Variants in JAKMIP1 observed in about 807,000 individuals in gnomAD.
JAKMIP1 encodes janus kinase and microtubule-interacting protein 1.
Under a neutral mutation model 113.0 loss-of-function variants are expected in JAKMIP1, and 33 were observed. That is an observed-to-expected ratio of 0.29 (90% CI 0.22 to 0.39). The LOEUF is 0.39. Among genes scored for constraint, JAKMIP1 ranks in the 10% least tolerant of loss-of-function variants. JAKMIP1 has a pLI of 1.00. For missense variants in JAKMIP1, 813 were observed against 1,080.5 expected (o/e 0.75, Z 3.47); for synonymous variants, 480 against 459.9 (o/e 1.04, Z -0.56).
In JAKMIP1 at chr4:6,150,815, G is replaced by A. The variant is rs916324492; in HGVS notation, c.-147-37818C>T. ...ACAGGCAAGAAATTTCCGCATCCCAGCTTCAAGCTCCTCCACTTGAGCAAG... is the reference window on the plus strand; with the variant it reads ...ACAGGCAAGAAATTTCCGCATCCCAACTTCAAGCTCCTCCACTTGAGCAAG... On this transcript the variant is annotated intron_variant, in intron 1 of 20. Transcript: ENST00000409021. The surrounding 1 kb of genome is among the most constrained non-coding windows in gnomAD (Gnocchi z 4.8). 2.0e-5 allele frequency among the ~76,000 whole-genome samples: 3 copies of A among 152,130 alleles called. No homozygotes were observed. The highest frequency in any genetic ancestry group is 4.8e-5 in the African/African-American group (2 of 41,414).
At position 6,064,763 on chromosome 4, in the gene JAKMIP1, G is replaced by T. The variant is rs912762918; in HGVS notation, c.1431+117C>A. ...TTTGATAATGCACTGGTAGGAACTGGTCATCTGGGGTTCAGAACTATAGGC... is the reference window on the plus strand; with the variant it reads ...TTTGATAATGCACTGGTAGGAACTGTTCATCTGGGGTTCAGAACTATAGGC... On this transcript the variant is annotated intron_variant, in intron 9 of 20. Coordinates refer to ENST00000409021, the MANE Select transcript of JAKMIP1 (RefSeq NM_001099433.2). This position sits in a 1 kb window ranked among gnomAD's most constrained non-coding sequence, Gnocchi z 4.3. 27 of 1,329,238 alleles carry T rather than the reference G, an allele frequency of 2.0e-5. No homozygotes were observed. The highest frequency in any genetic ancestry group is 2.8e-5 in the Non-Finnish European group (27 of 953,710). The allele number at this position is 1,329,238 out of a possible 1,614,324, so 82.3% of individuals were successfully genotyped here.
At chr4:6,131,262 GAAGA>G (rs1381015446) in intron 1 of JAKMIP1, among the ~76,000 whole-genome samples, 1 of 146,392 alleles carries the variant, frequency 6.8e-6, no homozygotes, top group Non-Finnish European at 1.5e-5. Flanking sequence ...AGAAGAAATT[GAAGA>G]AATATTTGAA....
intron 1 of JAKMIP1, among the ~76,000 whole-genome samples, chr4:6,198,039 C>G (rs1728033933): frequency 6.6e-6 from 1 of 152,218 alleles, no homozygotes; most frequent in Admixed American, 6.5e-5. Context: ...GTGGTCACCT[C>G]CCCAGGAAAA....
chr4:6,119,027 AG>A (rs1201242365), intron 1 of JAKMIP1, among the ~76,000 whole-genome samples: 9 of 152,184 alleles, frequency 5.9e-5, no homozygotes, highest in African/African-American at 2.2e-4. Flanking sequence ...AAGAGACCGG[AG>A]CACTGCGGCC....
At chr4:6,175,950 G>A (rs1405490265) in intron 1 of JAKMIP1, among the ~76,000 whole-genome samples, 1 of 152,172 alleles carries the variant, frequency 6.6e-6, no homozygotes, top group Non-Finnish European at 1.5e-5. Flanking sequence ...TGTCCACAGG[G>A]CTGTAAATTG....
intron 1 of JAKMIP1, among the ~76,000 whole-genome samples, chr4:6,190,435 A>G (rs1475223652): frequency 2.0e-5 from 3 of 152,076 alleles, no homozygotes; most frequent in Non-Finnish European, 4.4e-5. Context: ...TGCTCATCCT[A>G]CACTCTTTCC....
intron 3 of JAKMIP1, among the ~76,000 whole-genome samples, chr4:6,095,658 C>T (rs977304718): frequency 5.3e-5 from 8 of 152,192 alleles, no homozygotes; most frequent in Admixed American, 2.0e-4. Flanking sequence ...AGAACACACA[C>T]GGTGCCATCT....
chr4:6,081,698 G>T lies in JAKMIP1; in HGVS notation c.1012C>A (p.Arg338=). Residue 338 remains arginine (R), a synonymous_variant, in exon 6 of 21, where the codon CGG becomes AGG. Coordinates refer to ENST00000409021, the MANE Select transcript of JAKMIP1 (RefSeq NM_001099433.2). The surrounding 1 kb of genome is among the most constrained non-coding windows in gnomAD (Gnocchi z 4.6). ...QLKPLVEKNK[R]MNKKNEDLLQ... The stretch of plus-strand genomic sequence containing the variant: ...AGATCCTCATTCTTCTTGTTCATCC[G>T]CTTGTTCTTCTCCACCAGGGGCTTC... 2 of 1,614,064 alleles carry T rather than the reference G, an allele frequency of 1.2e-6. No individual in the cohort carries two copies. The highest frequency in any genetic ancestry group is 1.7e-6 in the Non-Finnish European group (2 of 1,180,008).
In JAKMIP1 at chr4:6,040,937, C is replaced by T. The variant is rs1402076295; in HGVS notation, c.2098-221G>A. Among the ~76,000 whole-genome samples, 1 of 152,164 alleles carries T rather than the reference C, an allele frequency of 6.6e-6. No individual in the cohort carries two copies. On this transcript the variant is annotated intron_variant, in intron 17 of 20. Transcript: ENST00000409021. This position sits in a 1 kb window ranked among gnomAD's most constrained non-coding sequence, Gnocchi z 5.8. ...GCCACACCTGGATCCTTGGTGAAGA[C>T]TATCCCATTCCTCCTGCTTCCCTGC...
At chr4:6,062,486 A>G in intron 9 of JAKMIP1, 46 bp from the exon 10 acceptor site, 1 of 1,568,786 alleles carries the variant, frequency 6.4e-7, no homozygotes, top group Non-Finnish European at 8.7e-7. Context: ...GCAAAATTAC[A>G]ATAATAAATG....
In JAKMIP1 at chr4:6,086,207, T is replaced by G. The variant is rs1159363892; in HGVS notation, c.625-578A>C. Among the ~76,000 whole-genome samples, 1 of 152,192 alleles carries G rather than the reference T, an allele frequency of 6.6e-6. No homozygotes were observed. Among genetic ancestry groups the G allele is most frequent in the Non-Finnish European group, 1.5e-5 (1 of 68,030 alleles). ...TCTCCCCAAGGCCACTTCCCATGGTTTCTATCTTCTTTATAGACTGTCTTG... is the reference window on the plus strand; with the variant it reads ...TCTCCCCAAGGCCACTTCCCATGGTGTCTATCTTCTTTATAGACTGTCTTG... On this transcript the variant is annotated intron_variant, in intron 3 of 20. Coordinates refer to ENST00000409021, the MANE Select transcript of JAKMIP1 (RefSeq NM_001099433.2). The surrounding 1 kb of genome is among the most constrained non-coding windows in gnomAD (Gnocchi z 4.1).
rs1722294365 is a variant in JAKMIP1 at position 6,093,008 on chromosome 4, A to G, written c.625-7379T>C. Among the ~76,000 whole-genome samples the G allele has an allele frequency of 6.6e-6, 1 of 152,250 alleles. No homozygotes were observed. Among genetic ancestry groups the G allele is most frequent in the Non-Finnish European group, 1.5e-5 (1 of 68,052 alleles). Reference sequence around the variant, plus strand: ...TCATTTTGTATTTTACTGGGAATCCAAGTATCACATATCATCATGGCTATT... The same window carrying G: ...TCATTTTGTATTTTACTGGGAATCCGAGTATCACATATCATCATGGCTATT... On this transcript the variant is annotated intron_variant, in intron 3 of 20. Coordinates refer to ENST00000409021, the MANE Select transcript of JAKMIP1 (RefSeq NM_001099433.2). The surrounding 1 kb of genome is among the most constrained non-coding windows in gnomAD (Gnocchi z 4.6).
In JAKMIP1 at chr4:6,140,250, CTTTT is replaced by C. The variant is rs35255967; in HGVS notation, c.-147-27257_-147-27254del. Among the ~76,000 whole-genome samples the C allele has an allele frequency of 5.7e-5, 8 of 140,194 alleles. No homozygotes were observed. Among genetic ancestry groups the C allele is most frequent in the South Asian group, 2.3e-4 (1 of 4,392 alleles). 92.0% of individuals were successfully genotyped at this position (140,194 alleles called of 152,430 possible). On this transcript the variant is annotated intron_variant, in intron 1 of 20. Transcript: ENST00000409021. The surrounding 1 kb of genome is among the most constrained non-coding windows in gnomAD (Gnocchi z 9.4). ...CTGCTCCCTATTTTTCTTTTTTCCT[CTTTT>C]TTTTTTTTTTTTCTGTGGGGAGGGA... is the stretch of plus-strand genomic sequence containing the variant.
intron 1 of JAKMIP1, among the ~76,000 whole-genome samples, chr4:6,169,603 TTG>T (rs71173413): frequency 0.32 from 43,657 of 136,848 alleles, 7,927 homozygotes; most frequent in East Asian, 0.63. Flanking sequence ...CCCTAGGAAA[TTG>T]TGTGTGTGTG....
In JAKMIP1 at chr4:6,154,578, A is replaced by G. The variant is rs1436540254; in HGVS notation, c.-147-41581T>C. ...TTGAAAAAGGCAATACCGAAAAGGCAGACACCAAGAAACTTAGCAAGGCTT... is the reference window on the plus strand; with the variant it reads ...TTGAAAAAGGCAATACCGAAAAGGCGGACACCAAGAAACTTAGCAAGGCTT... On this transcript the variant is annotated intron_variant, in intron 1 of 20. Coordinates refer to ENST00000409021, the MANE Select transcript of JAKMIP1 (RefSeq NM_001099433.2). This position sits in a 1 kb window ranked among gnomAD's most constrained non-coding sequence, Gnocchi z 4.2. Among the ~76,000 whole-genome samples, 1 of 151,958 alleles carries G rather than the reference A, an allele frequency of 6.6e-6. No homozygotes were observed. The highest frequency in any genetic ancestry group is 1.5e-5 in the Non-Finnish European group (1 of 68,004).
chr4:6,177,060 A>G (rs6827188), intron 1 of JAKMIP1, among the ~76,000 whole-genome samples: 6,240 of 152,208 alleles, frequency 0.041, 261 homozygotes, highest in African/African-American at 0.11. Context: ...AATGATCGGA[A>G]AGGTACAAAC....
chr4:6,078,741 A>G (rs1720048401), intron 8 of JAKMIP1, among the ~76,000 whole-genome samples, 198 bp downstream of exon 8: 1 of 152,192 alleles, frequency 6.6e-6, no homozygotes, highest in African/African-American at 2.4e-5. Flanking sequence ...ATAAATTACA[A>G]TAACTGGGTC....
chr4:6,038,890 T>C (rs1025765661), intron 18 of JAKMIP1, among the ~76,000 whole-genome samples: 1 of 152,248 alleles, frequency 6.6e-6, no homozygotes, highest in Admixed American at 6.5e-5. Flanking sequence ...AATCCCGTTG[T>C]GGGCCTGCCC....
At chr4:6,053,581 A>C (rs1438962005) in intron 13 of JAKMIP1, among the ~76,000 whole-genome samples, 1 of 152,204 alleles carries the variant, frequency 6.6e-6, no homozygotes, top group African/African-American at 2.4e-5. Flanking sequence ...TTGCTGGCTC[A>C]GGTCAGACTC....
Sources: allele counts gnomAD v4.1 joint callset (sites outside exome capture counted in the v4.1 genomes callset), GRCh38; gene constraint gnomAD v4.1.1; non-coding constraint Gnocchi (gnomAD v3.1); transcripts MANE v1.5; gene names NCBI Gene and HGNC (gene_info 2026-07-23, HGNC 2026-07-21).